Variants in NLRP8 observed in about 807,000 individuals in gnomAD.
The protein encoded by NLRP8 is NLR family pyrin domain containing 8.
NLRP8 carries 86 observed loss-of-function variants against 88.7 expected under a neutral mutation model. The ratio of observed to expected loss-of-function variants is 0.97; its 90% CI spans 0.81 to 1.16. The LOEUF (loss-of-function observed/expected upper bound fraction) is 1.16, where lower values mean the gene tolerates loss of function less well. Among genes scored for constraint, NLRP8 ranks in the 50% most tolerant of loss-of-function variants. The pLI, the probability that NLRP8 is intolerant of heterozygous loss-of-function variation, is 0.00. For synonymous variants in NLRP8, 504 were observed against 494.6 expected (o/e 1.02, Z -0.25); for missense variants, 1,342 against 1,286.5 (o/e 1.04, Z -0.66).
Position 55,988,086 on chromosome 19 carries a change from C to T in NLRP8, c.*173C>T, listed in dbSNP as rs1241874350. ...ACCCTGGAGTGAGGACGGTGATGCC[C>T]TGTGTGTATTAATATGCTATGTAAG... On this transcript the variant is annotated 3_prime_UTR_variant, in exon 10 of 10. Coordinates refer to ENST00000291971, the MANE Select transcript of NLRP8 (RefSeq NM_176811.2). 3 of 586,728 alleles carry T rather than the reference C, an allele frequency of 5.1e-6. No individual in the cohort carries two copies. Among genetic ancestry groups the T allele is most frequent in the African/African-American group, 1.9e-5 (1 of 53,862 alleles). The allele number at this position is 586,728 out of a possible 1,614,324, so 36.3% of individuals were successfully genotyped here.
chr19:55,957,660 G>GA (rs58020055), intron 3 of NLRP8, among the ~76,000 whole-genome samples: 3 of 93,480 alleles, frequency 3.2e-5, no homozygotes, highest in African/African-American at 1.3e-4. Context: ...TCTTAAAAAA[G>GA]AAAAAATAAT....
intron 8 of NLRP8, among the ~76,000 whole-genome samples, chr19:55,977,214 CAT>C (rs898823395): frequency 9.2e-3 from 35 of 3,784 alleles, no homozygotes; most frequent in Non-Finnish European, 0.011. Context: ...ACATAAGATA[CAT>C]ATATATATAT....
At position 55,959,071 on chromosome 19, in the gene NLRP8, G is replaced by A. The variant is rs550517498; in HGVS notation, c.2042+2971G>A. Among the ~76,000 whole-genome samples, 19 of 148,194 alleles carry A rather than the reference G, an allele frequency of 1.3e-4. No homozygotes were observed. In the South Asian group the frequency reaches 3.8e-3, roughly 30 times the overall value. The stretch of plus-strand genomic sequence containing the variant: ...TTTTTTGTATTTTTAATAGAGACGG[G>A]GTTTCACTGTATTAGCCAGGATGGT... On this transcript the variant is annotated intron_variant, in intron 3 of 9. Transcript: ENST00000291971.
chr19:55,986,471 C>CAT lies in NLRP8; in HGVS notation c.3048-1341_3048-1340dup, dbSNP rs74179652. 1.9e-3 allele frequency among the ~76,000 whole-genome samples: 99 copies of CAT among 53,498 alleles called. 2 individuals are homozygous for CAT. The highest frequency in any genetic ancestry group is 7.5e-3 in the African/African-American group (99 of 13,140). 35.1% of individuals were successfully genotyped at this position (53,498 alleles called of 152,430 possible). A position where few individuals can be genotyped will look rare whatever the true frequency, so the allele number is the denominator to read the frequency against. ...TCTCTCTCACACACACACTCTCTCA[C>CAT]ATACACACACACACACACACACACA... On this transcript the variant is annotated intron_variant, in intron 9 of 9. Coordinates refer to ENST00000291971, the MANE Select transcript of NLRP8 (RefSeq NM_176811.2).
chr19:55,977,038 C>A (rs1315185667), intron 8 of NLRP8, among the ~76,000 whole-genome samples: 2 of 148,026 alleles, frequency 1.4e-5, no homozygotes, highest in Admixed American at 6.8e-5. Context: ...CGAGATCACA[C>A]CACTGTACTC....
At chr19:55,958,575 T>C (rs1979474260) in intron 3 of NLRP8, among the ~76,000 whole-genome samples, 1 of 152,198 alleles carries the variant, frequency 6.6e-6, no homozygotes, top group Non-Finnish European at 1.5e-5. Flanking sequence ...ACATATTGTC[T>C]GTGACTGTTA....
rs779989879 is a variant in NLRP8 at position 55,956,063 on chromosome 19, G to C, written c.2005G>C (p.Val669Leu). 8 of 1,613,870 alleles carry C rather than the reference G, an allele frequency of 5.0e-6. No individual in the cohort carries two copies. In the East Asian group the frequency reaches 1.6e-4, roughly 31 times the overall value. Residue 669 changes from valine (V) to leucine (L), a missense_variant, in exon 3 of 10, where the codon GTG becomes CTG. Transcript: ENST00000291971. ...GACCGTCACCCTGAACTTCATGAAC[G>C]TGTGGAAGCTCAGCTCCAGCTCCCA...
intron 8 of NLRP8, among the ~76,000 whole-genome samples, chr19:55,978,219 C>CT (rs1265385129): frequency 6.6e-6 from 1 of 151,696 alleles, no homozygotes; most frequent in African/African-American, 2.4e-5. Flanking sequence ...TTTTATTATA[C>CT]TTTAAGTTTT....
rs1342353647 is a variant in NLRP8, at chr19:55,979,456, AC to A, written c.2941del (p.Gln981AsnfsTer3). ...GCCATGGCTTCCATGCTCCGCAAAA[AC>A]CAACATCTGAGACATCTGGACTTGA... On this transcript the variant is annotated frameshift_variant, in exon 9 of 10. Coordinates refer to ENST00000291971, the MANE Select transcript of NLRP8 (RefSeq NM_176811.2). LOFTEE classifies it high-confidence loss of function. The A allele has an allele frequency of 6.2e-7, 1 of 1,614,156 alleles. No individual in the cohort carries two copies. Among genetic ancestry groups the A allele is most frequent in the Admixed American group, 1.7e-5 (1 of 60,018 alleles).
intron 6 of NLRP8, among the ~76,000 whole-genome samples, chr19:55,973,308 G>T (rs1383775529): frequency 6.6e-6 from 1 of 151,906 alleles, no homozygotes; most frequent in Non-Finnish European, 1.5e-5. Flanking sequence ...TTTTCTTGCT[G>T]ATTTGTTCTT....
chr19:55,973,855 C>T (rs376169820), intron 7 of NLRP8, 33 bp downstream of exon 7: 1 of 1,593,640 alleles, frequency 6.3e-7, no homozygotes, highest in Admixed American at 1.7e-5. Flanking sequence ...CTCTGAATTC[C>T]CTGGAGCAGA....
intron 5 of NLRP8, among the ~76,000 whole-genome samples, chr19:55,967,462 C>T (rs1352055947): frequency 6.6e-6 from 1 of 152,218 alleles, no homozygotes; most frequent in Non-Finnish European, 1.5e-5. Flanking sequence ...TCTTTCTGTG[C>T]CTGGCTTATT....
intron 8 of NLRP8, among the ~76,000 whole-genome samples, chr19:55,976,843 G>A (rs542164420): frequency 1.1e-4 from 17 of 150,834 alleles, no homozygotes; most frequent in African/African-American, 4.1e-4. Flanking sequence ...ACTTTGGGAG[G>A]CTGAGGTGGG....
At chr19:55,957,074 T>C (rs1979388657) in intron 3 of NLRP8, among the ~76,000 whole-genome samples, 1 of 152,154 alleles carries the variant, frequency 6.6e-6, no homozygotes, top group Admixed American at 6.5e-5. Context: ...ATTACAGGCA[T>C]GAGCCGCTGC....
chr19:55,977,309 A>G (rs997996028), intron 8 of NLRP8, among the ~76,000 whole-genome samples: 1 of 145,596 alleles, frequency 6.9e-6, no homozygotes, highest in Non-Finnish European at 1.5e-5. Context: ...ATAAATATTT[A>G]TATGTAGATA....
Position 55,962,088 on chromosome 19 carries a change from G to A in NLRP8, c.2064G>A (p.Leu688=), listed in dbSNP as rs1454721690. The change falls in exon 4 of 10, where the codon CTG becomes CTA. Residue 688 remains leucine (L), a synonymous_variant. Coordinates refer to ENST00000291971, the MANE Select transcript of NLRP8 (RefSeq NM_176811.2). ...GTAGAGCGCCAGAGAGCAATGGGCT[G>A]CATCGTTGGTGGCAAGACTTATGCT... The A allele has an allele frequency of 9.9e-6, 16 of 1,614,142 alleles. No homozygotes were observed. The highest frequency in any genetic ancestry group is 1.4e-5 in the Non-Finnish European group (16 of 1,179,996).
At position 55,947,983 on chromosome 19, in the gene NLRP8, G is replaced by T. The variant is rs1184872960; in HGVS notation, c.81G>T (p.Trp27Cys). 3.1e-6 allele frequency: 5 copies of T among 1,613,956 alleles called. No individual in the cohort carries two copies. The highest frequency in any genetic ancestry group is 2.2e-5 in the South Asian group (2 of 91,076). ...CTCACAGTTCTCATATTCCGCCCTG[G>T]ACATTCTCTTGCTACCCCGGCTCCC... The change falls in exon 1 of 10, where the codon TGG becomes TGT. Residue 27 changes from tryptophan to cysteine, a missense_variant. Physicochemically the swap from Trp to Cys is radical, Grantham distance 215 (BLOSUM62 -2). Coordinates refer to ENST00000291971, the MANE Select transcript of NLRP8 (RefSeq NM_176811.2).
chr19:55,977,145 G>GTA (rs1568468423), intron 8 of NLRP8, among the ~76,000 whole-genome samples: 1 of 141,486 alleles, frequency 7.1e-6, no homozygotes. Flanking sequence ...ACATATATAC[G>GTA]TATATACGTA....
intron 8 of NLRP8, among the ~76,000 whole-genome samples, chr19:55,978,671 C>T (rs80248404): frequency 0.019 from 2,915 of 152,236 alleles, 100 homozygotes; most frequent in African/African-American, 0.067. Context: ...TTATGATACA[C>T]GGCACCTCTT....
Sources: gnomAD v4.1 joint callset for allele counts (sites outside exome capture counted in the v4.1 genomes callset) on GRCh38, gnomAD v4.1.1 for gene constraint, MANE v1.5 for transcripts, NCBI Gene and HGNC (gene_info 2026-07-23, HGNC 2026-07-21) for gene names.